GPHN: variants seen among roughly 807,000 people sequenced by gnomAD.
The protein encoded by GPHN is gephyrin.
GPHN carries 17 observed loss-of-function variants against 95.5 expected under a neutral mutation model. The ratio of observed to expected loss-of-function variants is 0.18; its 90% CI spans 0.12 to 0.27. GPHN has a LOEUF of 0.27. GPHN is among the 10% of genes least tolerant of loss of function. The probability of loss-of-function intolerance (pLI) is 1.00; values close to 1 mark genes in which losing one functional copy is unlikely to be tolerated. For synonymous variants in GPHN, 320 were observed against 322.5 expected, an observed-to-expected ratio of 0.99 and a Z score of 0.08; for missense variants, 660 against 978.1, an observed-to-expected ratio of 0.67 and a Z score of 4.34.
chr14:67,352,832 T>A, the GPHN span: 3 of 757,540 alleles, frequency 4.0e-6, no homozygotes, highest in Non-Finnish European at 6.0e-6. Context: ...AGAAAAAAAT[T>A]AATTAAAATA....
intron 1 of GPHN, among the ~76,000 whole-genome samples, chr14:66,564,387 A>C (rs1459839348): frequency 6.6e-6 from 1 of 152,150 alleles, no homozygotes; most frequent in Non-Finnish European, 1.5e-5. Flanking sequence ...TAAATTCAAT[A>C]AATTTAGCTT....
chr14:66,823,608 A>G (rs1039657604), intron 3 of GPHN, among the ~76,000 whole-genome samples: 1 of 152,126 alleles, frequency 6.6e-6, no homozygotes, highest in Non-Finnish European at 1.5e-5. Flanking sequence ...TGGAGCTCTG[A>G]GCTCTGCATT....
At chr14:67,553,802 G>A in the GPHN span, among the ~76,000 whole-genome samples, 1 of 152,204 alleles carries the variant, frequency 6.6e-6, no homozygotes, top group East Asian at 1.9e-4. Flanking sequence ...CCTGAGGACT[G>A]TTTGACTTAG....
At chr14:67,370,800 C>T in the GPHN span, among the ~76,000 whole-genome samples, 24 of 152,034 alleles carry the variant, frequency 1.6e-4, no homozygotes, top group African/African-American at 5.8e-4. Context: ...TTGAGGTGGG[C>T]AGATTGCTTG....
At chr14:67,064,216 T>C (rs375251189) in intron 11 of GPHN, among the ~76,000 whole-genome samples, 1 of 152,202 alleles carries the variant, frequency 6.6e-6, no homozygotes, top group East Asian at 1.9e-4. Context: ...ATTGGTTTGG[T>C]TTATGTGATG....
chr14:66,922,323 G>T (rs139677108), intron 6 of GPHN, among the ~76,000 whole-genome samples: 1 of 150,388 alleles, frequency 6.6e-6, no homozygotes, highest in African/African-American at 2.4e-5. Context: ...CAATAATTAG[G>T]AGTAGTACAG....
chr14:67,205,832 G>T, the GPHN span, among the ~76,000 whole-genome samples: 2 of 152,130 alleles, frequency 1.3e-5, no homozygotes, highest in Non-Finnish European at 2.9e-5. Flanking sequence ...ATGGCAGGAT[G>T]GATTATAGGT....
chr14:67,118,428 A>G (rs538628759), intron 16 of GPHN, among the ~76,000 whole-genome samples: 32 of 152,270 alleles, frequency 2.1e-4, no homozygotes, highest in African/African-American at 7.2e-4. Context: ...ATAAGTGTCC[A>G]AAGATTTATC....
intron 1 of GPHN, among the ~76,000 whole-genome samples, chr14:66,508,821 C>T (rs1200156333): frequency 6.6e-6 from 1 of 152,158 alleles, no homozygotes; most frequent in Non-Finnish European, 1.5e-5. Flanking sequence ...GATGTTAGGC[C>T]CCAGCGCCTT....
chr14:67,052,211 C>T (rs2075338339), intron 10 of GPHN, among the ~76,000 whole-genome samples: 1 of 152,036 alleles, frequency 6.6e-6, no homozygotes, highest in Admixed American at 6.6e-5. Context: ...ATTAAAGAGA[C>T]CCATCTCATG....
intron 3 of GPHN, among the ~76,000 whole-genome samples, chr14:66,802,106 G>A (rs2153477313): frequency 6.6e-6 from 1 of 152,268 alleles, no homozygotes; most frequent in Non-Finnish European, 1.5e-5. Flanking sequence ...AGGAGCCAGG[G>A]ACTGAAGTAA....
the GPHN span, among the ~76,000 whole-genome samples, chr14:67,417,498 C>CAT: frequency 1.4e-4 from 22 of 151,996 alleles, no homozygotes; most frequent in African/African-American, 5.3e-4. Flanking sequence ...ATGGTGCCAT[C>CAT]ATAGCTCACT....
intron 2 of GPHN, among the ~76,000 whole-genome samples, chr14:66,733,059 G>C (rs2071933330): frequency 6.6e-6 from 1 of 152,116 alleles, no homozygotes; most frequent in South Asian, 2.1e-4. Flanking sequence ...ATGAGTCAAG[G>C]GAGGGAGCTG....
the GPHN span, chr14:67,593,490 CAAAA>C: frequency 9.4e-5 from 31 of 330,730 alleles, no homozygotes; most frequent in Middle Eastern, 9.4e-4. Flanking sequence ...GACCCTGTCT[CAAAA>C]AAAAAAAAAG....
At chr14:66,593,241 T>C (rs1283967607) in intron 1 of GPHN, among the ~76,000 whole-genome samples, 2 of 151,870 alleles carry the variant, frequency 1.3e-5, no homozygotes, top group African/African-American at 2.4e-5. Flanking sequence ...AGCATGTGTA[T>C]GTATACCTAT....
At chr14:67,476,708 G>C in the GPHN span, among the ~76,000 whole-genome samples, 1 of 152,170 alleles carries the variant, frequency 6.6e-6, no homozygotes. Flanking sequence ...ATATCCCAGG[G>C]CCAGTAAATG....
chr14:67,350,249 A>C, the GPHN span, among the ~76,000 whole-genome samples: 2 of 152,208 alleles, frequency 1.3e-5, no homozygotes, highest in Non-Finnish European at 2.9e-5. Context: ...TGTTCACTGC[A>C]CTTTCCCTAA....
chr14:67,646,721 C>T, the GPHN span: 105 of 1,612,772 alleles, frequency 6.5e-5, no homozygotes, highest in East Asian at 1.7e-3. Context: ...GTCTGAGAGA[C>T]GTGGACCCTC....
chr14:67,587,132 AC>A, the GPHN span: 11 of 1,613,204 alleles, frequency 6.8e-6, no homozygotes, highest in South Asian at 4.4e-5. Flanking sequence ...ACAACTGTGA[AC>A]CCCCCCACCA....
Sources: allele counts gnomAD v4.1 joint callset (sites outside exome capture counted in the v4.1 genomes callset), GRCh38; gene constraint gnomAD v4.1.1; transcripts MANE v1.5; gene names NCBI Gene and HGNC (gene_info 2026-07-23, HGNC 2026-07-21).